Variants in DARS1 observed in about 807,000 individuals in gnomAD.
DARS1 encodes aspartate--tRNA ligase, cytoplasmic.
DARS1 carries 51 observed loss-of-function variants against 68.8 expected under a neutral mutation model. That is an observed-to-expected ratio of 0.74 (90% CI 0.59 to 0.94). The LOEUF (loss-of-function observed/expected upper bound fraction) is 0.94, where lower values mean the gene tolerates loss of function less well. DARS1 is among the 40% of genes least tolerant of loss of function. The pLI is 0.00. For synonymous variants in DARS1, 203 were observed against 190.4 expected, an observed-to-expected ratio of 1.07 and a Z score of -0.55; for missense variants, 607 against 597.3, an observed-to-expected ratio of 1.02 and a Z score of -0.17.
intron 3 of DARS1, among the ~76,000 whole-genome samples, chr2:135,964,087 G>A (rs1324635631): frequency 5.9e-5 from 9 of 152,146 alleles, no homozygotes; most frequent in African/African-American, 9.7e-5. Context: ...TATGCAGGGC[G>A]CTGGGAACAC....
chr2:135,932,945 T>A, intron 6 of DARS1, 103 bp from the exon 7 acceptor site: 5 of 647,144 alleles, frequency 7.7e-6, no homozygotes, highest in Non-Finnish European at 1.3e-5. Context: ...TTGAGTAGGA[T>A]GTGTGTACGT....
At chr2:135,978,618 C>T (rs1413293370) in intron 3 of DARS1, among the ~76,000 whole-genome samples, 2 of 152,192 alleles carry the variant, frequency 1.3e-5, no homozygotes, top group African/African-American at 4.8e-5. Flanking sequence ...AGAACAGGGT[C>T]TGTCTAAATG....
chr2:135,981,717 G>T (rs973501145), intron 2 of DARS1, among the ~76,000 whole-genome samples: 4 of 148,714 alleles, frequency 2.7e-5, no homozygotes, highest in African/African-American at 1.0e-4. Context: ...TGCCCAGGCT[G>T]AAGTCCAGTG....
chr2:135,965,945 C>T (rs1253324170), intron 3 of DARS1, among the ~76,000 whole-genome samples: 1 of 152,140 alleles, frequency 6.6e-6, no homozygotes, highest in Non-Finnish European at 1.5e-5. Context: ...ACTTTTGAGA[C>T]CAAGCTCTTG....
rs573169024 is a variant in DARS1 at position 135,980,055 on chromosome 2, A to C, written c.125-689T>G. Among the ~76,000 whole-genome samples the C allele has an allele frequency of 2.3e-4, 35 of 152,310 alleles. No individual in the cohort carries two copies. The South Asian group carries it at 6.2e-3, about 27-fold the overall frequency. ...ATATCCTAAAGGAAACAGAGCCAAA[A>C]GCTGGAGAGAGAAAGGCCTGTAGAT... On this transcript the variant is annotated intron_variant, in intron 2 of 15. Coordinates refer to ENST00000264161, the MANE Select transcript of DARS1 (RefSeq NM_001349.4).
At chr2:135,943,196 TG>T in intron 5 of DARS1, 181 bp downstream of exon 5, 1 of 804,178 alleles carries the variant, frequency 1.2e-6, no homozygotes. Context: ...AATAAATGTT[TG>T]TTGTTTCAAG....
intron 3 of DARS1, among the ~76,000 whole-genome samples, chr2:135,974,035 G>A (rs1025205514): frequency 6.6e-6 from 1 of 152,062 alleles, no homozygotes; most frequent in African/African-American, 2.4e-5. Context: ...CACCTATTAT[G>A]TACCCCAAAA....
At chr2:135,976,898 C>G (rs1309566812) in intron 3 of DARS1, among the ~76,000 whole-genome samples, 2 of 152,110 alleles carry the variant, frequency 1.3e-5, no homozygotes, top group African/African-American at 4.8e-5. Context: ...TACTTACATG[C>G]TGATCTCAAT....
chr2:135,916,896 A>T (rs1265941337), intron 10 of DARS1, among the ~76,000 whole-genome samples: 3 of 152,090 alleles, frequency 2.0e-5, no homozygotes, highest in Admixed American at 6.6e-5. Flanking sequence ...TTTTATTGAG[A>T]TTTAAAAGGT....
At chr2:135,972,430 C>T (rs1476371189) in intron 3 of DARS1, among the ~76,000 whole-genome samples, 1 of 152,152 alleles carries the variant, frequency 6.6e-6, no homozygotes, top group Non-Finnish European at 1.5e-5. Context: ...AAATCAATCA[C>T]AATGAATTGA....
intron 3 of DARS1, among the ~76,000 whole-genome samples, chr2:135,962,103 C>T (rs980132845): frequency 1.3e-5 from 2 of 152,022 alleles, no homozygotes; most frequent in African/African-American, 2.4e-5. Context: ...TTATGAGTCT[C>T]GCATTTTTTT....
intron 12 of DARS1, among the ~76,000 whole-genome samples, chr2:135,914,120 C>G (rs1680952227): frequency 1.3e-5 from 2 of 152,172 alleles, no homozygotes; most frequent in Non-Finnish European, 2.9e-5. Context: ...ATCTTGAAGT[C>G]TCATGAGACA....
intron 8 of DARS1, among the ~76,000 whole-genome samples, chr2:135,924,108 T>A (rs571300229): frequency 6.6e-6 from 1 of 152,316 alleles, no homozygotes; most frequent in African/African-American, 2.4e-5. Flanking sequence ...ATGAAAGTAG[T>A]TCCTGGTGTA....
At chr2:135,941,457 T>C (rs1681594553) in intron 5 of DARS1, among the ~76,000 whole-genome samples, 2 of 152,136 alleles carry the variant, frequency 1.3e-5, no homozygotes, top group South Asian at 4.1e-4. Flanking sequence ...GCTAGCCATA[T>C]GTAGAAAGCT....
intron 12 of DARS1, 127 bp downstream of exon 12, chr2:135,914,342 C>T: frequency 4.5e-6 from 3 of 665,070 alleles, no homozygotes; most frequent in South Asian, 4.2e-5. Context: ...TAATGTTGTC[C>T]TTCTTCGGTT....
intron 3 of DARS1, among the ~76,000 whole-genome samples, chr2:135,969,635 C>G (rs1270985103): frequency 6.7e-6 from 1 of 150,258 alleles, no homozygotes; most frequent in Admixed American, 6.6e-5. Flanking sequence ...AAAAGCCACC[C>G]GCACCTTTGC....
At position 135,916,977 on chromosome 2, in the gene DARS1, G is replaced by A. The variant is rs577093350; in HGVS notation, c.960-605C>T. On this transcript the variant is annotated intron_variant, in intron 10 of 15. Coordinates refer to ENST00000264161, the MANE Select transcript of DARS1 (RefSeq NM_001349.4). Reference sequence around the variant, plus strand: ...TTTGGGAGGAGGATCACTTGAGGTCGGGAGTTTAAGACCAGTCTGGCCAAC... The same window carrying A: ...TTTGGGAGGAGGATCACTTGAGGTCAGGAGTTTAAGACCAGTCTGGCCAAC... 4.4e-3 allele frequency among the ~76,000 whole-genome samples: 667 copies of A among 152,012 alleles called. 6 individuals carry two copies. Among genetic ancestry groups the A allele is most frequent in the African/African-American group, 0.015 (615 of 41,484 alleles).
At chr2:135,921,491 T>C (rs1212597836) in intron 9 of DARS1, among the ~76,000 whole-genome samples, 1 of 152,158 alleles carries the variant, frequency 6.6e-6, no homozygotes, top group African/African-American at 2.4e-5. Context: ...ATGGTGACTC[T>C]AGCAAACTCC....
chr2:135,961,266 G>A (rs1682093996), intron 4 of DARS1, 130 bp downstream of exon 4: 1 of 631,478 alleles, frequency 1.6e-6, no homozygotes, highest in Non-Finnish European at 2.8e-6. Flanking sequence ...ACACTGAACT[G>A]ACAATTTAAA....
Sources: gnomAD v4.1 joint callset for allele counts (sites outside exome capture counted in the v4.1 genomes callset) on GRCh38, gnomAD v4.1.1 for gene constraint, MANE v1.5 for transcripts, NCBI Gene and HGNC (gene_info 2026-07-23, HGNC 2026-07-21) for gene names.